ABL1: variants seen among roughly 807,000 people sequenced by gnomAD.
ABL1 encodes the protein tyrosine-protein kinase ABL1.
ABL1 carries 11 observed loss-of-function variants against 94.7 expected under a neutral mutation model. The ratio of observed to expected loss-of-function variants is 0.12; its 90% CI spans 0.07 to 0.19. The LOEUF (loss-of-function observed/expected upper bound fraction) is 0.19, where lower values mean the gene tolerates loss of function less well. ABL1 is among the 10% of genes least tolerant of loss of function. ABL1 has a pLI of 1.00. For missense variants in ABL1, 1,082 were observed against 1,489.4 expected (o/e 0.73, Z 4.50); for synonymous variants, 656 against 622.4 (o/e 1.05, Z -0.80).
At chr9:130,876,286 G>T (rs1390566040) in intron 7 of ABL1, among the ~76,000 whole-genome samples, 1 of 152,130 alleles carries the variant, frequency 6.6e-6, no homozygotes, top group Admixed American at 6.5e-5. Flanking sequence ...GTGGAAACTT[G>T]TATGAGGAGA....
chr9:130,862,466 C>A lies in ABL1; in HGVS notation c.550-297C>A, dbSNP rs1000066420. Among the ~76,000 whole-genome samples the A allele has an allele frequency of 6.6e-6, 1 of 152,128 alleles. No individual in the cohort carries two copies. The highest frequency in any genetic ancestry group is 1.5e-5 in the Non-Finnish European group (1 of 68,030). On this transcript the variant is annotated intron_variant, in intron 3 of 10. Transcript: ENST00000318560. The surrounding 1 kb of genome is among the most constrained non-coding windows in gnomAD (Gnocchi z 5.5). Reference sequence around the variant, plus strand: ...ACGGACCTTAAAACTGGCCTTGGAACGGGAAGCGAGAACTGGGCACGGAAG... The same window carrying A: ...ACGGACCTTAAAACTGGCCTTGGAAAGGGAAGCGAGAACTGGGCACGGAAG...
intron 1 of ABL1, among the ~76,000 whole-genome samples, chr9:130,792,338 C>T (rs1829919785): frequency 6.6e-6 from 1 of 152,198 alleles, no homozygotes; most frequent in Admixed American, 6.5e-5. Context: ...TTCAAGTTCA[C>T]ATGGTAGCTC....
intron 1 of ABL1, among the ~76,000 whole-genome samples, chr9:130,718,412 G>A (rs564645587): frequency 1.3e-5 from 2 of 152,124 alleles, no homozygotes; most frequent in African/African-American, 2.4e-5. Context: ...TCTGTTTTGG[G>A]GGGAGAAAAC....
rs763315791 is a variant in ABL1 at position 130,884,220 on chromosome 9, G to A, written c.1930G>A (p.Gly644Arg). The change falls in exon 11 of 11, where the codon GGG (glycine) becomes AGG (arginine). Residue 644 changes from glycine to arginine, a missense_variant. Coordinates refer to ENST00000318560, the MANE Select transcript of ABL1 (RefSeq NM_005157.6). The surrounding 1 kb of genome is among the most constrained non-coding windows in gnomAD (Gnocchi z 5.6). The stretch of plus-strand genomic sequence containing the variant: ...GGAAGAGGGCCGAGACATCAGCAAC[G>A]GGGCACTGGCTTTCACCCCCTTGGA... ...GEEEGRDISN[G>R]ALAFTPLDTA... 18 of 1,608,138 alleles carry A rather than the reference G, an allele frequency of 1.1e-5. No individual in the cohort carries two copies. Among genetic ancestry groups the A allele is most frequent in the Admixed American group, 5.1e-5 (3 of 58,900 alleles).
rs1221458235 is a variant in ABL1 at position 130,814,320 on chromosome 9, G to A, written c.137-39744G>A. On this transcript the variant is annotated intron_variant, in intron 1 of 10. Coordinates refer to the ABL1 transcript ENST00000372348. The surrounding 1 kb of genome is among the most constrained non-coding windows in gnomAD (Gnocchi z 4.4). ...AGAAAGAAAGAAAGAAAAAGAAAAGGCCAGTCTGGAAATCAATGAAACAGA... is the reference window on the plus strand; with the variant it reads ...AGAAAGAAAGAAAGAAAAAGAAAAGACCAGTCTGGAAATCAATGAAACAGA... 1.3e-5 allele frequency among the ~76,000 whole-genome samples: 2 copies of A among 151,854 alleles called. No homozygotes were observed. The highest frequency in any genetic ancestry group is 3.9e-4 in the East Asian group (2 of 5,176).
chr9:130,849,087 CACTT>C (rs1233189476), intron 1 of ABL1, among the ~76,000 whole-genome samples: 4 of 152,092 alleles, frequency 2.6e-5, no homozygotes, highest in Non-Finnish European at 5.9e-5. Flanking sequence ...GTAATATAAA[CACTT>C]AATATATTAT....
At chr9:130,796,380 G>A (rs1040946023) in intron 1 of ABL1, among the ~76,000 whole-genome samples, 6 of 152,030 alleles carry the variant, frequency 3.9e-5, no homozygotes, top group Non-Finnish European at 5.9e-5. Flanking sequence ...GCATGGTGGT[G>A]CGTTCCTGTT....
chr9:130,734,561 AC>A (rs1831710882), intron 1 of ABL1, among the ~76,000 whole-genome samples: 1 of 137,006 alleles, frequency 7.3e-6, no homozygotes, highest in African/African-American at 2.8e-5. Flanking sequence ...TCACTCCGTC[AC>A]CCAGGCTGGA....
intron 1 of ABL1, among the ~76,000 whole-genome samples, chr9:130,851,449 C>G (rs1378008806): frequency 2.0e-5 from 3 of 152,074 alleles, no homozygotes; most frequent in Non-Finnish European, 4.4e-5. Context: ...AGACTTGAAG[C>G]TCTTCATGGT....
chr9:130,873,183 A>G, intron 6 of ABL1, 146 bp downstream of exon 6: 1 of 875,336 alleles, frequency 1.1e-6, no homozygotes, highest in Non-Finnish European at 1.7e-6. Flanking sequence ...GAACAAAGGC[A>G]AACACTAGGC....
intron 1 of ABL1, among the ~76,000 whole-genome samples, chr9:130,735,953 A>ATTT (rs869189501): frequency 3.7e-5 from 3 of 81,546 alleles, no homozygotes; most frequent in African/African-American, 3.2e-4. Context: ...ATATATATAT[A>ATTT]TATATATATT....
chr9:130,883,827 T>C, intron 10 of ABL1, 142 bp from the exon 11 acceptor site: 1 of 1,078,264 alleles, frequency 9.3e-7, no homozygotes, highest in East Asian at 2.4e-5. Context: ...TGTTTGTTTG[T>C]TTGTTTGTTT....
chr9:130,799,940 T>G (rs551228803), intron 1 of ABL1, among the ~76,000 whole-genome samples: 1 of 151,976 alleles, frequency 6.6e-6, no homozygotes, highest in Non-Finnish European at 1.5e-5. Context: ...TGGCGCAATC[T>G]CGGCTCACTG....
chr9:130,758,162 T>TG (rs1254596899), intron 1 of ABL1, among the ~76,000 whole-genome samples: 1 of 151,948 alleles, frequency 6.6e-6, no homozygotes, highest in Non-Finnish European at 1.5e-5. Context: ...CTAAGATTTT[T>TG]TTTTTTTTTC....
chr9:130,842,981 A>G (rs1242751669), intron 1 of ABL1, among the ~76,000 whole-genome samples: 1 of 152,168 alleles, frequency 6.6e-6, no homozygotes, highest in African/African-American at 2.4e-5. Context: ...CATGGTTTAT[A>G]TTTCAGTCAA....
chr9:130,726,216 A>G (rs1588211842), intron 1 of ABL1, among the ~76,000 whole-genome samples: 2 of 150,490 alleles, frequency 1.3e-5, no homozygotes. Flanking sequence ...AATTGAATGT[A>G]CAGCTTGATG....
intron 1 of ABL1, among the ~76,000 whole-genome samples, chr9:130,807,701 T>TG (rs35031267): frequency 0.18 from 22,482 of 128,324 alleles, 2,236 homozygotes; most frequent in African/African-American, 0.27. Context: ...TATAGTTTTT[T>TG]TTTTTTTTTT....
chr9:130,833,528 C>T (rs1191231272), upstream of ABL1, among the ~76,000 whole-genome samples: 2 of 152,204 alleles, frequency 1.3e-5, no homozygotes, highest in Non-Finnish European at 1.5e-5. Context: ...GCACCCATCC[C>T]CTGGGGGCCC....
intron 1 of ABL1, among the ~76,000 whole-genome samples, chr9:130,723,409 A>C (rs560123049): frequency 6.6e-6 from 1 of 152,240 alleles, no homozygotes; most frequent in South Asian, 2.1e-4. Flanking sequence ...AGCTAGGCAT[A>C]ATAATGTCCT....
Sources: allele counts gnomAD v4.1 joint callset (sites outside exome capture counted in the v4.1 genomes callset), GRCh38; gene constraint gnomAD v4.1.1; non-coding constraint Gnocchi (gnomAD v3.1); transcripts MANE v1.5; gene names NCBI Gene and HGNC (gene_info 2026-07-23, HGNC 2026-07-21).